CACNA1A: variants seen among roughly 807,000 people sequenced by gnomAD.
CACNA1A encodes voltage-dependent P/Q-type calcium channel subunit alpha-1A.
CACNA1A carries 57 observed loss-of-function variants against 262.4 expected under a neutral mutation model. That is an observed-to-expected ratio of 0.22 (90% confidence interval 0.18 to 0.27). CACNA1A has a LOEUF of 0.27. CACNA1A is among the 10% of genes least tolerant of loss of function. The pLI, the probability that CACNA1A is intolerant of heterozygous loss-of-function variation, is 1.00. For synonymous variants in CACNA1A, 1,431 were observed against 1,419.3 expected, an observed-to-expected ratio of 1.01 and a Z score of -0.18; for missense variants, 2,526 against 3,562.8, an observed-to-expected ratio of 0.71 and a Z score of 7.41.
chr19:13,234,725 G>A (rs1043957602), intron 34 of CACNA1A, 196 bp downstream of exon 34: 78 of 554,262 alleles, frequency 1.4e-4, no homozygotes, highest in Non-Finnish European at 2.2e-4. Context: ...AGAGAAGGCC[G>A]GCACGTCCCC....
At chr19:13,319,791 C>A (rs556283590) in intron 10 of CACNA1A, among the ~76,000 whole-genome samples, 1 of 152,174 alleles carries the variant, frequency 6.6e-6, no homozygotes, top group Admixed American at 6.5e-5. Context: ...ATGTTTTATA[C>A]GACAAGCTAC....
chr19:13,221,107 T>C (rs1302493187), intron 38 of CACNA1A, among the ~76,000 whole-genome samples: 1 of 150,206 alleles, frequency 6.7e-6, no homozygotes, highest in Non-Finnish European at 1.5e-5. Context: ...CAGTCTTCCC[T>C]CCTCCTGACT....
chr19:13,267,838 T>C (rs933633852), intron 24 of CACNA1A, among the ~76,000 whole-genome samples: 3 of 151,846 alleles, frequency 2.0e-5, no homozygotes, highest in African/African-American at 7.2e-5. Flanking sequence ...TGCAGTGCAG[T>C]AGCGGGATCT....
intron 43 of CACNA1A, 62 bp from the exon 44 acceptor site, chr19:13,210,714 A>G: frequency 6.6e-7 from 1 of 1,510,618 alleles, no homozygotes; most frequent in East Asian, 2.5e-5. Flanking sequence ...TAAATATAAA[A>G]GGCAAGAGGG....
chr19:13,223,056 G>C (rs1010051778), intron 38 of CACNA1A, among the ~76,000 whole-genome samples: 2 of 151,762 alleles, frequency 1.3e-5, no homozygotes, highest in South Asian at 4.2e-4. Flanking sequence ...CTAGGATCTC[G>C]TTCTGTCGCC....
At chr19:13,317,002 A>G (rs372104898) in intron 11 of CACNA1A, 110 bp downstream of exon 11, 1 of 696,098 alleles carries the variant, frequency 1.4e-6, no homozygotes, top group East Asian at 2.7e-5. Context: ...GAAAGGGCAG[A>G]TTCAATGAGG....
At chr19:13,396,020 C>T (rs979435856) in intron 3 of CACNA1A, among the ~76,000 whole-genome samples, 2 of 152,236 alleles carry the variant, frequency 1.3e-5, no homozygotes, top group African/African-American at 4.8e-5. Flanking sequence ...GCTTAAAAAA[C>T]GGACAATTTC....
chr19:13,451,791 G>A (rs1452161857), intron 3 of CACNA1A: 1 of 152,184 alleles, frequency 6.6e-6, no homozygotes, highest in African/African-American at 2.4e-5. Flanking sequence ...GCCACAATAT[G>A]GCAAGGGTCA....
intron 9 of CACNA1A, among the ~76,000 whole-genome samples, chr19:13,332,510 T>C (rs943934250): frequency 6.6e-5 from 10 of 152,138 alleles, no homozygotes; most frequent in Non-Finnish European, 1.3e-4. Flanking sequence ...AATTATTACT[T>C]ATTTAGCAAA....
At chr19:13,490,956 AGAAG>A (rs1449862096) in intron 1 of CACNA1A, among the ~76,000 whole-genome samples, 2 of 148,510 alleles carry the variant, frequency 1.3e-5, no homozygotes, top group African/African-American at 2.5e-5. Context: ...AAGGAAAGGA[AGAAG>A]GAAGGGAGGG....
chr19:13,410,029 CCATATAGTG>C (rs1360941896), intron 3 of CACNA1A, among the ~76,000 whole-genome samples: 2 of 152,040 alleles, frequency 1.3e-5, no homozygotes, highest in Non-Finnish European at 2.9e-5. Context: ...GCATGTATGC[CCATATAGTG>C]CATTTTCTCC....
In CACNA1A at chr19:13,214,824, G is replaced by A; in HGVS notation, c.5732-216C>T. The A allele has an allele frequency of 1.7e-6, 1 of 571,872 alleles. No homozygotes were observed. The highest frequency in any genetic ancestry group is 3.1e-6 in the Non-Finnish European group (1 of 320,584). The allele number at this position is 571,872 out of a possible 1,614,324, so 35.4% of individuals were successfully genotyped here. On this transcript the variant is annotated intron_variant, in intron 38 of 46. Coordinates refer to ENST00000360228, the MANE Select transcript of CACNA1A (RefSeq NM_001127222.2). This position sits in a 1 kb window ranked among gnomAD's most constrained non-coding sequence, Gnocchi z 4.1. ...GGTTTTCGGTGGGGCCAGGACCATG[G>A]AGCAGCTGTGCAGGAGACAGCCCGG...
intron 1 of CACNA1A, among the ~76,000 whole-genome samples, chr19:13,493,476 C>T (rs1430148402): frequency 2.6e-5 from 4 of 152,242 alleles, no homozygotes; most frequent in African/African-American, 4.8e-5. Flanking sequence ...CCAGACATTG[C>T]CAAAAGTCCC....
At chr19:13,264,557 C>T (rs2056817047) in intron 24 of CACNA1A, among the ~76,000 whole-genome samples, 1 of 152,220 alleles carries the variant, frequency 6.6e-6, no homozygotes, top group South Asian at 2.1e-4. Flanking sequence ...TTCACCTTTG[C>T]ATTCCCATTT....
intron 3 of CACNA1A, among the ~76,000 whole-genome samples, chr19:13,418,840 T>A (rs1386433492): frequency 6.6e-6 from 1 of 152,218 alleles, no homozygotes. Context: ...ACAATGGTGG[T>A]CCCATATGGT....
intron 3 of CACNA1A, among the ~76,000 whole-genome samples, chr19:13,433,777 G>T (rs1228016074): frequency 6.6e-6 from 1 of 152,118 alleles, no homozygotes; most frequent in African/African-American, 2.4e-5. Flanking sequence ...GCAATGGAAT[G>T]GTTGCAGTGT....
intron 1 of CACNA1A, among the ~76,000 whole-genome samples, chr19:13,482,747 CCAG>C (rs1979486278): frequency 6.6e-6 from 1 of 152,070 alleles, no homozygotes; most frequent in Non-Finnish European, 1.5e-5. Flanking sequence ...CACTGGGCTC[CCAG>C]CCCTCTGGCT....
chr19:13,309,703 A>AAAAAT (rs1254309386), intron 12 of CACNA1A, among the ~76,000 whole-genome samples: 52 of 152,206 alleles, frequency 3.4e-4, no homozygotes, highest in African/African-American at 1.2e-3. Context: ...AAATAAAATA[A>AAAAAT]AAAATAAAAT....
intron 3 of CACNA1A, among the ~76,000 whole-genome samples, chr19:13,440,978 G>C (rs1288955677): frequency 1.3e-5 from 2 of 152,108 alleles, no homozygotes; most frequent in Non-Finnish European, 2.9e-5. Context: ...GATAATTTTT[G>C]CTTTGTTTTG....
Sources: allele counts gnomAD v4.1 joint callset (sites outside exome capture counted in the v4.1 genomes callset), GRCh38; gene constraint gnomAD v4.1.1; non-coding constraint Gnocchi (gnomAD v3.1); transcripts MANE v1.5; gene names NCBI Gene and HGNC (gene_info 2026-07-23, HGNC 2026-07-21).